The following PLCE1 variants were observed in gnomAD, a reference collection of about 807,000 sequenced individuals.
The protein encoded by PLCE1 is 1-phosphatidylinositol 4,5-bisphosphate phosphodiesterase epsilon-1.
Under a neutral mutation model 242.8 loss-of-function variants are expected in PLCE1, and 119 were observed. The ratio of observed to expected loss-of-function variants is 0.49; its 90% CI spans 0.42 to 0.57. PLCE1 has a LOEUF of 0.57. Among genes scored for constraint, PLCE1 ranks in the 20% least tolerant of loss-of-function variants. The pLI is 0.00. For missense variants in PLCE1, 2,441 were observed against 2,788.8 expected, an observed-to-expected ratio of 0.88 and a Z score of 2.81; for synonymous variants, 945 against 1,017.4, an observed-to-expected ratio of 0.93 and a Z score of 1.35.
At chr10:94,168,398 C>G (rs2047874944) in intron 3 of PLCE1, among the ~76,000 whole-genome samples, 1 of 152,144 alleles carries the variant, frequency 6.6e-6, no homozygotes, top group African/African-American at 2.4e-5. Flanking sequence ...TATGAAATCC[C>G]TGGGTATTCC....
At chr10:94,028,944 A>C (rs2061503697) in intron 1 of PLCE1, among the ~76,000 whole-genome samples, 2 of 151,950 alleles carry the variant, frequency 1.3e-5, no homozygotes, top group South Asian at 4.2e-4. Flanking sequence ...CCTCCCCTTG[A>C]ATGTGGGTTA....
intron 4 of PLCE1, among the ~76,000 whole-genome samples, chr10:94,222,135 G>C (rs767509219): frequency 3.3e-4 from 50 of 152,262 alleles, no homozygotes; most frequent in Non-Finnish European, 6.3e-4. Context: ...TCTGCTGGGG[G>C]AGACAGAACA....
In PLCE1 at chr10:94,132,330, G is replaced by A. The variant is rs752358441; in HGVS notation, c.1363G>A (p.Ala455Thr). 4 of 1,613,836 alleles carry A rather than the reference G, an allele frequency of 2.5e-6. No individual in the cohort carries two copies. The highest frequency in any genetic ancestry group is 2.2e-5 in the East Asian group (1 of 44,840). ...CCGAGACACTGTATGTGAGTATCGC[G>A]CCACCCTCCAAAGGACTTCAATATC... ...CVRDTVCEYR[A>T]TLQRTSISQY... Residue 455 changes from alanine (A) to threonine (T), a missense_variant, in exon 3 of 33, where the codon GCC (alanine) becomes ACC (threonine). This residue lies in a region of PLCE1 where 733 missense variants were observed against 754.2 expected (regional missense o/e 0.97). Transcript: ENST00000371380.
intron 2 of PLCE1, among the ~76,000 whole-genome samples, chr10:94,082,722 A>G (rs1180118669): frequency 2.0e-5 from 3 of 152,266 alleles, no homozygotes; most frequent in Non-Finnish European, 4.4e-5. Context: ...ATACACAAAA[A>G]TTAATAATTT....
At chr10:94,173,495 C>T (rs1046362442) in intron 4 of PLCE1, among the ~76,000 whole-genome samples, 1 of 152,184 alleles carries the variant, frequency 6.6e-6, no homozygotes, top group African/African-American at 2.4e-5. Flanking sequence ...TTTTAAACTT[C>T]CAGATCTACC....
At chr10:94,193,071 G>C (rs571171246) in intron 4 of PLCE1, among the ~76,000 whole-genome samples, 1 of 152,202 alleles carries the variant, frequency 6.6e-6, no homozygotes, top group African/African-American at 2.4e-5. Context: ...TTGCAACAAA[G>C]ATCAAATGGC....
intron 28 of PLCE1, among the ~76,000 whole-genome samples, chr10:94,316,311 G>A (rs1360783650): frequency 1.3e-5 from 2 of 152,162 alleles, no homozygotes; most frequent in Non-Finnish European, 2.9e-5. Context: ...TCCAGCAGTG[G>A]GAAAAAATAG....
rs1249066669 is a variant in PLCE1, at chr10:93,994,051, C to A, written c.-572C>A. The stretch of plus-strand genomic sequence containing the variant: ...CGCGCGGCGGGAGGGGCAGCGGCGG[C>A]GCGCCCGGGCTCTACCTCCCGGGCT... On this transcript the variant is annotated 5_prime_UTR_variant, in exon 1 of 33. Coordinates refer to ENST00000371380, the MANE Select transcript of PLCE1 (RefSeq NM_016341.4). Among the ~76,000 whole-genome samples the A allele has an allele frequency of 6.6e-6, 1 of 151,036 alleles. No individual in the cohort carries two copies. The highest frequency in any genetic ancestry group is 1.5e-5 in the Non-Finnish European group (1 of 67,436).
chr10:94,133,044 C>A (rs2046656861), intron 3 of PLCE1, among the ~76,000 whole-genome samples: 1 of 150,700 alleles, frequency 6.6e-6, no homozygotes, highest in African/African-American at 2.5e-5. Context: ...ATGATTCAGG[C>A]AGGTAGTTTC....
chr10:94,018,469 C>T (rs1048928916), intron 1 of PLCE1, among the ~76,000 whole-genome samples: 2 of 152,262 alleles, frequency 1.3e-5, no homozygotes, highest in Admixed American at 6.5e-5. Context: ...ACTGTGATTC[C>T]CTCTCTGTTC....
chr10:94,306,473 C>A lies in PLCE1; in HGVS notation c.5669C>A (p.Pro1890Gln). Residue 1890 changes from proline to glutamine, a missense_variant, in exon 26 of 33, where the codon CCG becomes CAG. By Grantham distance (76) the Pro-to-Gln change is moderately conservative. Coordinates refer to ENST00000371380, the MANE Select transcript of PLCE1 (RefSeq NM_016341.4). This position sits in a 1 kb window ranked among gnomAD's most constrained non-coding sequence, Gnocchi z 5.7. Reference sequence around the variant, plus strand: ...TGCCCCAGTAATAGCATGGGAAGCCCGTGCATTGAAGTCGACGTCCTGGGC... The same window carrying A: ...TGCCCCAGTAATAGCATGGGAAGCCAGTGCATTGAAGTCGACGTCCTGGGC... ...NVCPSNSMGS[P>Q]CIEVDVLGMP... The A allele has an allele frequency of 2.5e-6, 4 of 1,614,086 alleles. No individual in the cohort carries two copies. The highest frequency in any genetic ancestry group is 3.4e-6 in the Non-Finnish European group (4 of 1,180,002).
intron 26 of PLCE1, among the ~76,000 whole-genome samples, chr10:94,308,334 C>G (rs535652457): frequency 6.6e-6 from 1 of 152,302 alleles, no homozygotes; most frequent in East Asian, 1.9e-4. Context: ...CCTACTAGAT[C>G]AGGTTTTGTC....
intron 20 of PLCE1, 170 bp from the exon 21 acceptor site, chr10:94,283,620 C>A: frequency 1.6e-6 from 1 of 643,676 alleles, no homozygotes; most frequent in Non-Finnish European, 2.7e-6. Context: ...TGCATCAACC[C>A]AATTTTTACA....
At chr10:94,116,414 G>T (rs983968127) in intron 2 of PLCE1, among the ~76,000 whole-genome samples, 4 of 152,198 alleles carry the variant, frequency 2.6e-5, no homozygotes, top group African/African-American at 9.6e-5. Flanking sequence ...TTTAGGAATG[G>T]CAGGGCATGG....
intron 24 of PLCE1, among the ~76,000 whole-genome samples, chr10:94,301,081 A>G (rs1293218697): frequency 6.6e-6 from 1 of 151,884 alleles, no homozygotes. Context: ...ACGATGGCTT[A>G]TGCCTGTATT....
At chr10:94,208,521 T>C (rs1487289141) in intron 4 of PLCE1, among the ~76,000 whole-genome samples, 1 of 152,238 alleles carries the variant, frequency 6.6e-6, no homozygotes, top group Non-Finnish European at 1.5e-5. Context: ...TTGCTGAAAC[T>C]GCAGAATCTT....
intron 2 of PLCE1, among the ~76,000 whole-genome samples, chr10:94,117,232 G>C (rs1462027056): frequency 3.3e-5 from 5 of 152,198 alleles, no homozygotes; most frequent in African/African-American, 1.2e-4. Context: ...TGAATAAAAG[G>C]TGACCCGACT....
intron 3 of PLCE1, chr10:94,138,283 C>A: frequency 2.9e-6 from 1 of 340,850 alleles, no homozygotes; most frequent in Admixed American, 3.7e-5. Context: ...TGCGTATTGA[C>A]CTTCCATGCC....
At chr10:94,065,045 A>C (rs1296588985) in intron 2 of PLCE1, among the ~76,000 whole-genome samples, 1 of 152,146 alleles carries the variant, frequency 6.6e-6, no homozygotes, top group Non-Finnish European at 1.5e-5. Context: ...TAGGGAAACT[A>C]TCTGTTTTTC....
Sources: gnomAD v4.1 joint callset for allele counts (sites outside exome capture counted in the v4.1 genomes callset) on GRCh38, gnomAD v4.1.1 for gene constraint, gnomAD v4.1.1 regional missense constraint, Gnocchi (gnomAD v3.1) non-coding constraint, MANE v1.5 for transcripts, NCBI Gene and HGNC (gene_info 2026-07-23, HGNC 2026-07-21) for gene names.